MTFR1: variants seen among roughly 807,000 people sequenced by gnomAD.
MTFR1 encodes mitochondrial fission regulator 1, also known as chondrocyte protein with a poly-proline region.
MTFR1 carries 28 observed loss-of-function variants against 38.8 expected under a neutral mutation model. That is an observed-to-expected ratio of 0.72 (90% confidence interval 0.53 to 0.99). MTFR1 has a LOEUF of 0.99. MTFR1 is among the 50% of genes least tolerant of loss of function. The pLI, the probability that MTFR1 is intolerant of heterozygous loss-of-function variation, is 0.00. For missense variants in MTFR1, 358 were observed against 395.5 expected, an observed-to-expected ratio of 0.91 and a Z score of 0.81; for synonymous variants, 145 against 137.0, an observed-to-expected ratio of 1.06 and a Z score of -0.41.
downstream of MTFR1, among the ~76,000 whole-genome samples, chr8:65,712,286 C>T (rs1395588010): frequency 1.3e-5 from 2 of 152,110 alleles, no homozygotes; most frequent in African/African-American, 4.8e-5. Context: ...AGGCACTGAC[C>T]GCGGGGGCTG....
chr8:65,688,456 T>C (rs181029695), intron 3 of MTFR1, among the ~76,000 whole-genome samples: 3,156 of 148,952 alleles, frequency 0.021, 116 homozygotes, highest in African/African-American at 0.073. Flanking sequence ...CTTTTCTTTT[T>C]TTTTTTTTTT....
At chr8:65,747,658 T>C (rs1219241071) in intron 3 of MTFR1, 1 of 1,604,136 alleles carries the variant, frequency 6.2e-7, no homozygotes, top group Non-Finnish European at 8.5e-7. Context: ...ACACCTTGGC[T>C]TGTCCATTAT....
chr8:65,715,348 C>T (rs1027092844), downstream of MTFR1, among the ~76,000 whole-genome samples: 1 of 150,934 alleles, frequency 6.6e-6, no homozygotes, highest in African/African-American at 2.4e-5. Flanking sequence ...CCAGCCAAGC[C>T]AACAAAGAGA....
At chr8:65,691,069 G>A (rs1805261639) in intron 3 of MTFR1, among the ~76,000 whole-genome samples, 1 of 152,108 alleles carries the variant, frequency 6.6e-6, no homozygotes, top group Non-Finnish European at 1.5e-5. Context: ...ATACCCATTT[G>A]CTGAATATCT....
intron 3 of MTFR1, chr8:65,719,538 A>C: frequency 1.6e-6 from 2 of 1,267,568 alleles, no homozygotes; most frequent in Non-Finnish European, 2.3e-6. Context: ...ATATGCTGAA[A>C]CTCTATCTTT....
At chr8:65,751,562 G>A (rs965502126) in intron 3 of MTFR1, among the ~76,000 whole-genome samples, 11 of 151,622 alleles carry the variant, frequency 7.3e-5, no homozygotes, top group South Asian at 2.1e-4. Context: ...GTGCGATATC[G>A]GCTCACCGCA....
downstream of MTFR1, among the ~76,000 whole-genome samples, chr8:65,712,716 C>T (rs1406142929): frequency 6.6e-6 from 1 of 152,208 alleles, no homozygotes; most frequent in Non-Finnish European, 1.5e-5. Flanking sequence ...CTGACCATTC[C>T]AGCACCTGGA....
At chr8:65,738,718 C>T (rs904406228) in intron 3 of MTFR1, among the ~76,000 whole-genome samples, 12 of 152,270 alleles carry the variant, frequency 7.9e-5, no homozygotes, top group African/African-American at 2.9e-4. Context: ...CAGGTGTGAG[C>T]CACCACACCT....
chr8:65,758,594 C>T (rs182060630), intron 3 of MTFR1, among the ~76,000 whole-genome samples: 22 of 152,316 alleles, frequency 1.4e-4, no homozygotes, highest in African/African-American at 4.8e-4. Flanking sequence ...AGTAAGCCAG[C>T]CCTTTGTGCT....
At position 65,710,332 on chromosome 8, in the gene MTFR1, C is replaced by T. The variant is rs1188929660; in HGVS notation, c.*1288C>T. The T allele has an allele frequency of 6.6e-6, 1 of 152,276 alleles. No individual in the cohort carries two copies. The highest frequency in any genetic ancestry group is 2.4e-5 in the African/African-American group (1 of 41,426). 9.4% of individuals were successfully genotyped at this position (152,276 alleles called of 1,614,324 possible). ...GGGGAAATGACATGGCTTGATTGTT[C>T]TGTTTAAATTTGTACTGTGGCTTAT... On this transcript the variant is annotated 3_prime_UTR_variant, in exon 8 of 8. Transcript: ENST00000262146.
intron 3 of MTFR1, chr8:65,727,032 A>G: frequency 2.0e-6 from 2 of 1,013,962 alleles, no homozygotes; most frequent in East Asian, 2.4e-5. Flanking sequence ...CATTACTAAC[A>G]ATACTGTTAG....
rs781077499 is a variant in MTFR1 at position 65,704,848 on chromosome 8, G to A, written c.436G>A (p.Ala146Thr). 3.0e-5 allele frequency: 48 copies of A among 1,613,794 alleles called. No homozygotes were observed. Among genetic ancestry groups the A allele is most frequent in the South Asian group, 2.5e-4 (23 of 91,026 alleles). The part of the protein sequence containing the change: ...ANEEALQKIC[A>T]LENELAALRA... ...TGAGGAAGCACTGCAGAAGATTTGC[G>A]CTCTCGAAAATGAACTTGCTGCTCT... Residue 146 changes from alanine (A) to threonine (T), a missense_variant, in exon 5 of 8, where the codon GCT becomes ACT. Physicochemically the swap from Ala to Thr is moderately conservative, Grantham distance 58. Transcript: ENST00000262146.
chr8:65,777,553 C>A, the MTFR1 span, among the ~76,000 whole-genome samples: 1 of 152,006 alleles, frequency 6.6e-6, no homozygotes, highest in African/African-American at 2.4e-5. Context: ...AGCGATTTGG[C>A]TGTTATTTTT....
chr8:65,766,586 C>G (rs572853114), intron 3 of MTFR1, among the ~76,000 whole-genome samples: 32 of 152,338 alleles, frequency 2.1e-4, no homozygotes, highest in African/African-American at 7.5e-4. Context: ...GTGTAAACCA[C>G]TCTATGGTCA....
intron 4 of MTFR1, among the ~76,000 whole-genome samples, chr8:65,694,206 C>T (rs1281342625): frequency 6.6e-6 from 1 of 151,618 alleles, no homozygotes; most frequent in Non-Finnish European, 1.5e-5. Flanking sequence ...TCCTGAGTAG[C>T]TGGGGCTACA....
intron 2 of MTFR1, among the ~76,000 whole-genome samples, chr8:65,673,674 C>T (rs868064566): frequency 7.3e-5 from 11 of 151,600 alleles, no homozygotes; most frequent in East Asian, 1.9e-4. Context: ...GAGGCCGAGG[C>T]GGGTGGATCA....
rs1585877036 is a variant in MTFR1, at chr8:65,755,291, GATT to G, written c.*49-15654_*49-15652del. Among the ~76,000 whole-genome samples the G allele has an allele frequency of 2.6e-5, 4 of 152,220 alleles. No homozygotes were observed. In the East Asian group the frequency reaches 7.7e-4, roughly 29 times the overall value. On this transcript the variant is annotated intron_variant, in intron 3 of 3. Transcript: ENST00000521247. ...CCGCCTCAGCCTCCCAAAGTGCTGGGATTACAGGCATGAGCCATCATGCCCGGC... is the reference window on the plus strand; with the variant it reads ...CCGCCTCAGCCTCCCAAAGTGCTGGGACAGGCATGAGCCATCATGCCCGGC...
intron 1 of MTFR1, among the ~76,000 whole-genome samples, chr8:65,658,976 G>A (rs914049530): frequency 1.3e-5 from 2 of 152,124 alleles, no homozygotes; most frequent in African/African-American, 4.8e-5. Context: ...TATTCTAAAG[G>A]GAAGCCAAGT....
intron 3 of MTFR1, among the ~76,000 whole-genome samples, chr8:65,764,157 A>G (rs1320138557): frequency 1.3e-5 from 2 of 152,228 alleles, no homozygotes; most frequent in Non-Finnish European, 2.9e-5. Context: ...TAGAAAAGAG[A>G]TAGGAGCATG....
Sources: gnomAD v4.1 joint callset for allele counts (sites outside exome capture counted in the v4.1 genomes callset) on GRCh38, gnomAD v4.1.1 for gene constraint, MANE v1.5 for transcripts, NCBI Gene and HGNC (gene_info 2026-07-23, HGNC 2026-07-21) for gene names.